The following CSNK1A1 variants were observed in gnomAD, a reference collection of about 807,000 sequenced individuals.
The protein encoded by CSNK1A1 is casein kinase I isoform alpha.
A neutral mutation model predicts 46.1 loss-of-function variants in CSNK1A1; 7 were observed. That is an observed-to-expected ratio of 0.15 (90% CI 0.09 to 0.29). The LOEUF is 0.29. Among genes scored for constraint, CSNK1A1 ranks in the 10% least tolerant of loss-of-function variants. The pLI, the probability that CSNK1A1 is intolerant of heterozygous loss-of-function variation, is 1.00. For missense variants in CSNK1A1, 96 were observed against 417.1 expected (o/e 0.23, Z 6.71); for synonymous variants, 137 against 141.5 (o/e 0.97, Z 0.23).
intron 4 of CSNK1A1, 26 bp from the exon 5 acceptor site, chr5:149,513,235 T>TA: frequency 6.2e-7 from 1 of 1,601,420 alleles, no homozygotes; most frequent in Non-Finnish European, 8.5e-7. Flanking sequence ...ACAGAAACAT[T>TA]AGGTTTCCAA....
At chr5:149,504,643 A>T (rs149675686) in intron 9 of CSNK1A1, 12 of 985,432 alleles carry the variant, frequency 1.2e-5, no homozygotes, top group Non-Finnish European at 1.4e-5. Flanking sequence ...TAGAAAGGAA[A>T]TAAGACTAGC....
At chr5:149,497,945 T>C (rs1355419421) in intron 9 of CSNK1A1, 1 of 673,672 alleles carries the variant, frequency 1.5e-6, no homozygotes, top group Non-Finnish European at 1.8e-6. Context: ...GCGATTCTCC[T>C]GCCTCAGCCT....
intron 2 of CSNK1A1, among the ~76,000 whole-genome samples, chr5:149,544,758 T>TATATATACACAC (rs150989849): frequency 3.1e-5 from 4 of 129,264 alleles, no homozygotes; most frequent in East Asian, 2.2e-4. Context: ...TATATATATA[T>TATATATACACAC]ATATATAGTT....
At chr5:149,509,158 C>G (rs1327505208) in intron 7 of CSNK1A1, among the ~76,000 whole-genome samples, 3 of 152,156 alleles carry the variant, frequency 2.0e-5, no homozygotes, top group Non-Finnish European at 4.4e-5. Context: ...CTCCCGGGCT[C>G]AAGCGATCCA....
chr5:149,550,323 A>G lies in CSNK1A1; in HGVS notation c.124-142T>C, dbSNP rs1038124984. The G allele has an allele frequency of 6.9e-7, 1 of 1,447,682 alleles. No homozygotes were observed. The highest frequency in any genetic ancestry group is 9.0e-7 in the Non-Finnish European group (1 of 1,105,566). The allele number at this position is 1,447,682 out of a possible 1,614,324, so 89.7% of individuals were successfully genotyped here. On this transcript the variant is annotated intron_variant, in intron 1 of 9. Coordinates refer to ENST00000377843, the MANE Select transcript of CSNK1A1 (RefSeq NM_001892.6). This position sits in a 1 kb window ranked among gnomAD's most constrained non-coding sequence, Gnocchi z 4.3. ...TGGAAAGAGAAAGCTCTCGGTAATTATAAAACGAGGCAACCAGCCTCAAAG... is the reference window on the plus strand; with the variant it reads ...TGGAAAGAGAAAGCTCTCGGTAATTGTAAAACGAGGCAACCAGCCTCAAAG...
At chr5:149,509,830 T>C in intron 7 of CSNK1A1, 49 bp downstream of exon 7, 2 of 1,413,802 alleles carry the variant, frequency 1.4e-6, no homozygotes, top group Non-Finnish European at 2.0e-6. Context: ...TGTGAGCCAT[T>C]GTGCCTGGCT....
Position 149,517,865 on chromosome 5 carries a change from G to A in CSNK1A1, c.456+2425C>T, listed in dbSNP as rs774870890. 6.3e-7 allele frequency: 1 copy of A among 1,599,558 alleles called. No individual in the cohort carries two copies. Among genetic ancestry groups the A allele is most frequent in the Non-Finnish European group, 8.5e-7 (1 of 1,171,388 alleles). ...ATGCTTCTTTTCCTCTTCCCCACTGGAGATTCTAAACACTAAACAGACAAT... is the reference window on the plus strand; with the variant it reads ...ATGCTTCTTTTCCTCTTCCCCACTGAAGATTCTAAACACTAAACAGACAAT... On this transcript the variant is annotated intron_variant, in intron 4 of 9. Coordinates refer to ENST00000377843, the MANE Select transcript of CSNK1A1 (RefSeq NM_001892.6). This position sits in a 1 kb window ranked among gnomAD's most constrained non-coding sequence, Gnocchi z 4.4.
chr5:149,504,430 G>C lies in CSNK1A1; in HGVS notation c.1006+1017C>G, dbSNP rs904900358. 9 of 984,496 alleles carry C rather than the reference G, an allele frequency of 9.1e-6. No individual in the cohort carries two copies. The African/African-American group carries it at 1.6e-4, about 17-fold the overall frequency. 61.0% of individuals were successfully genotyped at this position (984,496 alleles called of 1,614,324 possible). A position where few individuals can be genotyped will look rare whatever the true frequency, so the allele number is the denominator to read the frequency against. On this transcript the variant is annotated intron_variant, in intron 9 of 9. Transcript: ENST00000377843. Reference sequence around the variant, plus strand: ...TCTATAAAGGCCAAGTTCAGACTAGGGCAGTATTCAGAAATTTAAAAATTA... The same window carrying C: ...TCTATAAAGGCCAAGTTCAGACTAGCGCAGTATTCAGAAATTTAAAAATTA...
chr5:149,543,897 C>T lies in CSNK1A1; in HGVS notation c.230+6178G>A, dbSNP rs146323367. 3.0e-3 allele frequency among the ~76,000 whole-genome samples: 451 copies of T among 151,452 alleles called. 3 individuals are homozygous for T. The highest frequency in any genetic ancestry group is 0.011 in the African/African-American group (436 of 41,222). ...CCCGGGTGACAGAGCAAGAACCTGC[C>T]GCTAAAAATAAAAATAATAAAAGAT... On this transcript the variant is annotated intron_variant, in intron 2 of 9. Transcript: ENST00000377843.
intron 2 of CSNK1A1, chr5:149,549,400 A>G: frequency 2.9e-6 from 2 of 682,544 alleles, no homozygotes; most frequent in South Asian, 3.0e-5. Flanking sequence ...TTCGTGTCAC[A>G]TCTGCTGCAG....
intron 2 of CSNK1A1, among the ~76,000 whole-genome samples, chr5:149,533,781 G>A (rs1761968535): frequency 6.6e-6 from 1 of 152,112 alleles, no homozygotes; most frequent in African/African-American, 2.4e-5. Flanking sequence ...AGAACTGGAA[G>A]GTCCAGGGAG....
chr5:149,497,771 A>C (rs964278205), intron 9 of CSNK1A1: 7 of 985,318 alleles, frequency 7.1e-6, no homozygotes, highest in Non-Finnish European at 7.2e-6. Flanking sequence ...CACTCCAATC[A>C]ATCCTCACTT....
At position 149,542,676 on chromosome 5, in the gene CSNK1A1, A is replaced by ATG. The variant is rs1561772821; in HGVS notation, c.230+7398_230+7399insCA. ...TATATATATATATATATATATGTAT[A>ATG]TATATATATATATATATTTTTTTTT... is the stretch of plus-strand genomic sequence containing the variant. On this transcript the variant is annotated intron_variant, in intron 2 of 9. Transcript: ENST00000377843. Among the ~76,000 whole-genome samples the ATG allele has an allele frequency of 4.1e-4, 3 of 7,404 alleles. 1 individual carries two copies. Among genetic ancestry groups the ATG allele is most frequent in the African/African-American group, 1.3e-3 (3 of 2,282 alleles). The allele number at this position is 7,404 out of a possible 152,430, so 4.9% of individuals were successfully genotyped here. A position where few individuals can be genotyped will look rare whatever the true frequency, so the allele number is the denominator to read the frequency against.
chr5:149,522,089 G>A (rs1580839041), intron 3 of CSNK1A1, among the ~76,000 whole-genome samples: 1 of 151,920 alleles, frequency 6.6e-6, no homozygotes, highest in East Asian at 1.9e-4. Flanking sequence ...GGCATTTCTT[G>A]TATACAATAG....
intron 2 of CSNK1A1, among the ~76,000 whole-genome samples, chr5:149,545,223 C>T (rs1055199392): frequency 2.6e-5 from 4 of 152,038 alleles, no homozygotes; most frequent in African/African-American, 9.7e-5. Flanking sequence ...AGTGAGCTCT[C>T]ACATATTAAT....
At chr5:149,521,644 A>T (rs557905606) in intron 3 of CSNK1A1, among the ~76,000 whole-genome samples, 19 of 147,562 alleles carry the variant, frequency 1.3e-4, no homozygotes, top group African/African-American at 4.3e-4. Context: ...ACAGAGTCTC[A>T]CTCACTCTGC....
At chr5:149,523,671 T>C (rs80106133) in intron 3 of CSNK1A1, among the ~76,000 whole-genome samples, 13,557 of 152,238 alleles carry the variant, frequency 0.089, 682 homozygotes, top group Middle Eastern at 0.15. Context: ...CTTGGAATTA[T>C]AGACAAAGTT....
At chr5:149,506,924 C>G in intron 8 of CSNK1A1, 103 bp downstream of exon 8, 1 of 844,974 alleles carries the variant, frequency 1.2e-6, no homozygotes, top group South Asian at 2.0e-5. Context: ...TTCATGTTAG[C>G]TAGATCTGCT....
chr5:149,521,377 C>T (rs1418676601), intron 3 of CSNK1A1, among the ~76,000 whole-genome samples: 1 of 151,486 alleles, frequency 6.6e-6, no homozygotes, highest in Non-Finnish European at 1.5e-5. Flanking sequence ...TCCAGTGATC[C>T]TCACACTTCA....
Sources: allele counts gnomAD v4.1 joint callset (sites outside exome capture counted in the v4.1 genomes callset), GRCh38; gene constraint gnomAD v4.1.1; non-coding constraint Gnocchi (gnomAD v3.1); transcripts MANE v1.5; gene names NCBI Gene and HGNC (gene_info 2026-07-23, HGNC 2026-07-21).